Variants in KRT79 observed in about 807,000 individuals in gnomAD.
The protein encoded by KRT79 is keratin, type II cytoskeletal 79.
A neutral mutation model predicts 49.0 loss-of-function variants in KRT79; 51 were observed. The ratio of observed to expected loss-of-function variants is 1.04; its 90% confidence interval spans 0.83 to 1.31. The LOEUF (loss-of-function observed/expected upper bound fraction) is 1.31, where lower values mean the gene tolerates loss of function less well. Ranked by LOEUF, KRT79 falls within the 40% of genes most tolerant of loss-of-function variation. The pLI, the probability that KRT79 is intolerant of heterozygous loss-of-function variation, is 0.00. For missense variants in KRT79, 728 were observed against 688.0 expected, an observed-to-expected ratio of 1.06 and a Z score of -0.65; for synonymous variants, 312 against 286.6, an observed-to-expected ratio of 1.09 and a Z score of -0.90.
intron 4 of KRT79, among the ~76,000 whole-genome samples, chr12:52,825,296 C>G (rs1162075761): frequency 2.0e-5 from 3 of 152,204 alleles, no homozygotes; most frequent in Admixed American, 1.3e-4. Context: ...CCCAACACCT[C>G]CCATATCCTG....
intron 2 of KRT79, 189 bp from the exon 3 acceptor site, chr12:52,830,481 C>G (rs527464066): frequency 1.4e-5 from 8 of 585,240 alleles, no homozygotes; most frequent in East Asian, 8.4e-5. Context: ...TCTCTCTCCC[C>G]ACCCCATTTT....
At chr12:52,824,670 C>A (rs1940152732) in intron 4 of KRT79, among the ~76,000 whole-genome samples, 1 of 152,220 alleles carries the variant, frequency 6.6e-6, no homozygotes, top group Non-Finnish European at 1.5e-5. Flanking sequence ...AGCACATTCA[C>A]TAACCCCTCT....
intron 4 of KRT79, among the ~76,000 whole-genome samples, chr12:52,827,454 G>C (rs964098778): frequency 6.6e-6 from 1 of 152,214 alleles, no homozygotes; most frequent in Non-Finnish European, 1.5e-5. Context: ...AAAAGAGGGG[G>C]AGAGAGAATG....
At chr12:52,822,921 C>A in intron 7 of KRT79, 95 bp downstream of exon 7, 1 of 1,265,994 alleles carries the variant, frequency 7.9e-7, no homozygotes, top group Non-Finnish European at 1.1e-6. Flanking sequence ...TCCCTGGTTC[C>A]TCTCTCCCTC....
chr12:52,830,501 G>A lies in KRT79; in HGVS notation c.699-209C>T, dbSNP rs1040763538. On this transcript the variant is annotated intron_variant, in intron 2 of 8. Coordinates refer to ENST00000330553, the MANE Select transcript of KRT79 (RefSeq NM_175834.3). The stretch of plus-strand genomic sequence containing the variant: ...CTCCCCACCCCATTTTAGGGAAAGA[G>A]GCACAGAATTTGTGCAATAATATGG... The A allele has an allele frequency of 1.6e-5, 9 of 573,022 alleles. No homozygotes were observed. The East Asian group carries it at 2.6e-4, about 17-fold the overall frequency. The allele number at this position is 573,022 out of a possible 1,614,324, so 35.5% of individuals were successfully genotyped here. A position where few individuals can be genotyped will look rare whatever the true frequency, so the allele number is the denominator to read the frequency against.
chr12:52,829,485 T>C lies in KRT79; in HGVS notation c.855+538A>G, dbSNP rs112020148. 5.9e-3 allele frequency among the ~76,000 whole-genome samples: 894 copies of C among 152,332 alleles called. 13 individuals are homozygous for C. The highest frequency in any genetic ancestry group is 0.02 in the African/African-American group (845 of 41,586). On this transcript the variant is annotated intron_variant, in intron 4 of 8. Coordinates refer to ENST00000330553, the MANE Select transcript of KRT79 (RefSeq NM_175834.3). ...CTCTGAGCCCCAGGGTCCTTGACTA[T>C]AAAATTGAGACAATAATAGTTCTTG...
intron 4 of KRT79, among the ~76,000 whole-genome samples, 157 bp downstream of exon 4, chr12:52,829,866 G>T (rs556122642): frequency 1.3e-5 from 2 of 152,278 alleles, no homozygotes; most frequent in South Asian, 4.1e-4. Context: ...ACTCCAGCCT[G>T]GGTAACACAG....
rs772008601 is a variant in KRT79, at chr12:52,834,122, C to T, written c.139G>A (p.Gly47Arg). Residue 47 changes from glycine (G) to arginine (R), a missense_variant, in exon 1 of 9, where the codon GGG becomes AGG. Gly to Arg is a moderately radical substitution (Grantham distance 125). Coordinates refer to ENST00000330553, the MANE Select transcript of KRT79 (RefSeq NM_175834.3). ...TVSRSSGSGGGAHCGPGTGGF... is the reference protein window; with the variant it reads ...TVSRSSGSGGRAHCGPGTGGF... ...CCTGTGCCGGGGCCACAGTGGGCCC[C>T]GCCACCACTGCCACTGCTCCGAGAC... 4.7e-5 allele frequency: 76 copies of T among 1,613,170 alleles called. No homozygotes were observed. The highest frequency in any genetic ancestry group is 5.9e-5 in the Non-Finnish European group (70 of 1,179,860).
In KRT79 at chr12:52,821,415, G is replaced by A. The variant is rs1437328935; in HGVS notation, c.*457C>T. 1 of 203,542 alleles carries A rather than the reference G, an allele frequency of 4.9e-6. No homozygotes were observed. Among genetic ancestry groups the A allele is most frequent in the Non-Finnish European group, 9.9e-6 (1 of 101,068 alleles). 12.6% of individuals were successfully genotyped at this position (203,542 alleles called of 1,614,324 possible). ...CAATGGACACAATTTCAGTTCCCCA[G>A]GCAGGACAGACTGCAGCCACAGACA... On this transcript the variant is annotated 3_prime_UTR_variant, in exon 9 of 9. Coordinates refer to ENST00000330553, the MANE Select transcript of KRT79 (RefSeq NM_175834.3).
intron 7 of KRT79, 27 bp downstream of exon 7, chr12:52,822,975 GCCCGACCCAGCTTT>G (rs1288611470): frequency 5.5e-5 from 88 of 1,595,520 alleles, no homozygotes; most frequent in Non-Finnish European, 7.5e-5. Flanking sequence ...CCCAGGGCAG[GCCCGACCCAGCTTT>G]CTGGGTCGGG....
At chr12:52,824,487 A>G (rs1940150185) in intron 4 of KRT79, 125 bp from the exon 5 acceptor site, 1 of 921,624 alleles carries the variant, frequency 1.1e-6, no homozygotes, top group African/African-American at 1.7e-5. Context: ...GCTCCAGCCT[A>G]GAGCAAAGTA....
In KRT79 at chr12:52,822,087, A is replaced by T; in HGVS notation, c.1403-10T>A. The T allele has an allele frequency of 6.2e-7, 1 of 1,613,706 alleles. No individual in the cohort carries two copies. The highest frequency in any genetic ancestry group is 8.5e-7 in the Non-Finnish European group (1 of 1,179,944). On this transcript the variant is annotated splice_polypyrimidine_tract_variant and intron_variant, in intron 8 of 8. Coordinates refer to ENST00000330553, the MANE Select transcript of KRT79 (RefSeq NM_175834.3). ...GAGTTGCCAGTCACAGCTGCAAAGC[A>T]AAGGGTCTGGATTAGTCAGGGCGGC...
At chr12:52,832,701 C>T (rs765820191) in intron 1 of KRT79, among the ~76,000 whole-genome samples, 9 of 152,132 alleles carry the variant, frequency 5.9e-5, no homozygotes, top group Non-Finnish European at 1.2e-4. Context: ...CAGTCACATG[C>T]CCTGGGAGCA....
At chr12:52,830,874 A>G (rs576609405) in intron 2 of KRT79, among the ~76,000 whole-genome samples, 1 of 152,334 alleles carries the variant, frequency 6.6e-6, no homozygotes, top group South Asian at 2.1e-4. Flanking sequence ...CTGGATATTT[A>G]ATGATATTGA....
rs142673960 is a variant in KRT79, at chr12:52,823,151, A to G, written c.1232T>C (p.Leu411Pro). The G allele has an allele frequency of 1.2e-6, 2 of 1,614,076 alleles. No homozygotes were observed. Among genetic ancestry groups the G allele is most frequent in the African/African-American group, 1.3e-5 (1 of 74,936 alleles). The change falls in exon 7 of 9, where the codon CTG becomes CCG. Residue 411 changes from leucine (L) to proline (P), a missense_variant. Leu to Pro is a moderately conservative substitution (Grantham distance 98). Coordinates refer to ENST00000330553, the MANE Select transcript of KRT79 (RefSeq NM_175834.3). ...CTTGGCCTGGTGCAGGGCCACATCC[A>G]GATCCCCAAGCTTCTTCTGAGCATC... Reference protein sequence around the residue: ...LKDAQKKLGDLDVALHQAKED... With the variant: ...LKDAQKKLGDPDVALHQAKED...
chr12:52,824,446 G>C, intron 4 of KRT79, 84 bp from the exon 5 acceptor site: 1 of 1,402,672 alleles, frequency 7.1e-7, no homozygotes, highest in Non-Finnish European at 9.8e-7. Context: ...GGGCCCCCAG[G>C]TAGCATCAGG....
Position 52,823,070 on chromosome 12 carries a change from G to A in KRT79, c.1313C>T (p.Ala438Val). Residue 438 changes from alanine to valine, a missense_variant, in exon 7 of 9, where the codon GCC becomes GTC. Coordinates refer to ENST00000330553, the MANE Select transcript of KRT79 (RefSeq NM_175834.3). ...DYQELMNVKL[A>V]LDVEIATYRK... The stretch of plus-strand genomic sequence containing the variant: ...GTAGGTGGCAATCTCCACGTCCAGG[G>A]CCAGCTTGACATTCATCAGCTCCTG... 6.2e-7 allele frequency: 1 copy of A among 1,614,148 alleles called. No homozygotes were observed.
At chr12:52,828,825 G>A (rs1381969676) in intron 4 of KRT79, among the ~76,000 whole-genome samples, 1 of 151,914 alleles carries the variant, frequency 6.6e-6, no homozygotes, top group Non-Finnish European at 1.5e-5. Flanking sequence ...TCCATCTTCT[G>A]AATACTTCAC....
chr12:52,825,834 G>A (rs1375786271), intron 4 of KRT79, among the ~76,000 whole-genome samples: 1 of 152,126 alleles, frequency 6.6e-6, no homozygotes, highest in Non-Finnish European at 1.5e-5. Flanking sequence ...TAGCAGCTGA[G>A]CCTTGCGATG....
Sources: gnomAD v4.1 joint callset for allele counts (sites outside exome capture counted in the v4.1 genomes callset) on GRCh38, gnomAD v4.1.1 for gene constraint, MANE v1.5 for transcripts, NCBI Gene and HGNC (gene_info 2026-07-23, HGNC 2026-07-21) for gene names.